The following MYO1E variants were observed in gnomAD, a reference collection of about 807,000 sequenced individuals.
MYO1E encodes myosin IE, also known as unconventional myosin-Ie.
In MYO1E, 68 loss-of-function variants were observed where a neutral mutation model predicts 151.1. The observed-to-expected ratio is 0.45, with a 90% confidence interval of 0.37 to 0.55. The LOEUF is 0.55. Among genes scored for constraint, MYO1E ranks in the 20% least tolerant of loss-of-function variants. The probability of loss-of-function intolerance (pLI) is 0.00; values close to 1 mark genes in which losing one functional copy is unlikely to be tolerated. For missense variants in MYO1E, 1,363 were observed against 1,389.3 expected, an observed-to-expected ratio of 0.98 and a Z score of 0.30; for synonymous variants, 601 against 501.7, an observed-to-expected ratio of 1.20 and a Z score of -2.64.
In MYO1E at chr15:59,214,680, T is replaced by A. The variant is rs772677451; in HGVS notation, c.1148A>T (p.Asn383Ile). The A allele has an allele frequency of 6.2e-7, 1 of 1,613,900 alleles. No homozygotes were observed. The highest frequency in any genetic ancestry group is 1.1e-5 in the South Asian group (1 of 91,078). The change falls in exon 11 of 28, where the codon AAC becomes ATC. Residue 383 changes from asparagine (N) to isoleucine (I), a missense_variant. Transcript: ENST00000288235. ...GCCATAGATGTCTAGGACGCCAATG[T>A]TGTATTCTTCATGGTCTTTCTCCAT... The part of the protein sequence containing the change: ...KAMEKDHEEY[N>I]IGVLDIYGFE...
rs1208585172 is a variant in MYO1E at position 59,136,441 on chromosome 15, A to C, written c.*939T>G. 4 of 202,282 alleles carry C rather than the reference A, an allele frequency of 2.0e-5. No homozygotes were observed. The highest frequency in any genetic ancestry group is 9.1e-5 in the African/African-American group (4 of 43,766). The allele number at this position is 202,282 out of a possible 1,614,324, so 12.5% of individuals were successfully genotyped here. On this transcript the variant is annotated 3_prime_UTR_variant, in exon 28 of 28. Coordinates refer to ENST00000288235, the MANE Select transcript of MYO1E (RefSeq NM_004998.4). ...GTTTCCTATAGGGAAAGAGTTGAGAAGAGTCTGCAGGGACTGACCTAGAAA... is the reference window on the plus strand; with the variant it reads ...GTTTCCTATAGGGAAAGAGTTGAGACGAGTCTGCAGGGACTGACCTAGAAA...
intron 7 of MYO1E, among the ~76,000 whole-genome samples, chr15:59,226,861 G>A (rs2079994839): frequency 6.6e-6 from 1 of 152,170 alleles, no homozygotes; most frequent in South Asian, 2.1e-4. Flanking sequence ...GCTGAAGCCT[G>A]TAACATAATC....
intron 4 of MYO1E, 65 bp downstream of exon 4, chr15:59,256,219 C>A (rs1220032457): frequency 1.5e-6 from 2 of 1,318,748 alleles, no homozygotes; most frequent in South Asian, 1.2e-5. Flanking sequence ...GCTTATCGAC[C>A]GAAATCCATA....
intron 19 of MYO1E, among the ~76,000 whole-genome samples, chr15:59,176,355 C>T (rs761681006): frequency 1.4e-4 from 21 of 151,860 alleles, no homozygotes; most frequent in Non-Finnish European, 2.4e-4. Context: ...CCACTGCGCG[C>T]GGTTATGATG....
intron 4 of MYO1E, among the ~76,000 whole-genome samples, chr15:59,238,744 T>A (rs922256232): frequency 3.3e-5 from 5 of 151,686 alleles, no homozygotes; most frequent in African/African-American, 1.2e-4. Context: ...GCTAATTTTT[T>A]AATTTTTAGT....
Position 59,285,396 on chromosome 15 carries a change from C to T in MYO1E, c.4-12947G>A, listed in dbSNP as rs2080381559. ...TTTTTGAGACGGAGTCTGGCTCTGTCGCCCAGGCTGGAGTGCAGTGGCACA... is the reference window on the plus strand; with the variant it reads ...TTTTTGAGACGGAGTCTGGCTCTGTTGCCCAGGCTGGAGTGCAGTGGCACA... On this transcript the variant is annotated intron_variant, in intron 1 of 27. Transcript: ENST00000288235. 2.5e-5 allele frequency among the ~76,000 whole-genome samples: 3 copies of T among 118,344 alleles called. No homozygotes were observed. In the South Asian group the frequency reaches 8.6e-4, roughly 34 times the overall value. 77.6% of individuals were successfully genotyped at this position (118,344 alleles called of 152,430 possible). A position where few individuals can be genotyped will look rare whatever the true frequency, so the allele number is the denominator to read the frequency against.
intron 5 of MYO1E, among the ~76,000 whole-genome samples, chr15:59,234,024 GA>G (rs1249606745): frequency 5.9e-5 from 9 of 151,896 alleles, no homozygotes; most frequent in Non-Finnish European, 1.2e-4. Flanking sequence ...ATGGCTACTA[GA>G]AAATTTAGAA....
At chr15:59,242,865 C>G (rs138109417) in intron 4 of MYO1E, among the ~76,000 whole-genome samples, 1 of 152,062 alleles carries the variant, frequency 6.6e-6, no homozygotes, top group Non-Finnish European at 1.5e-5. Context: ...AATGGGTAGA[C>G]TCAGCCTGAA....
intron 9 of MYO1E, among the ~76,000 whole-genome samples, chr15:59,220,552 A>AT (rs1289138774): frequency 6.6e-6 from 1 of 151,652 alleles, no homozygotes; most frequent in East Asian, 1.9e-4. Flanking sequence ...ATTTTTTTCC[A>AT]TTTTTTTTCT....
At chr15:59,315,510 A>C (rs2140413548) in intron 1 of MYO1E, among the ~76,000 whole-genome samples, 1 of 152,094 alleles carries the variant, frequency 6.6e-6, no homozygotes, top group African/African-American at 2.4e-5. Flanking sequence ...CTATGTAACA[A>C]ACCTGTACAT....
chr15:59,360,179 G>C (rs1367307217), intron 1 of MYO1E, among the ~76,000 whole-genome samples: 8 of 152,100 alleles, frequency 5.3e-5, no homozygotes, highest in Non-Finnish European at 4.4e-5. Flanking sequence ...AGATCAGGAG[G>C]TCAAGGAATT....
At chr15:59,297,547 T>TG (rs2080457976) in intron 1 of MYO1E, among the ~76,000 whole-genome samples, 1 of 149,294 alleles carries the variant, frequency 6.7e-6, no homozygotes, top group African/African-American at 2.5e-5. Flanking sequence ...CCTCCCAAAG[T>TG]GCTGGGATAA....
intron 8 of MYO1E, 111 bp from the exon 9 acceptor site, chr15:59,223,302 G>C (rs549174863): frequency 3.1e-5 from 37 of 1,191,764 alleles, no homozygotes; most frequent in East Asian, 1.7e-4. Flanking sequence ...GACAAGTACA[G>C]ACGAGTTACA....
chr15:59,217,516 T>A (rs1165788512), intron 10 of MYO1E, among the ~76,000 whole-genome samples: 2 of 116,034 alleles, frequency 1.7e-5, no homozygotes, highest in Non-Finnish European at 3.5e-5. Flanking sequence ...TCAGTCGTTT[T>A]ACCTTTTTTT....
rs752971090 is a variant in MYO1E, at chr15:59,202,295, G to C, written c.1698+31C>G. ...TCCTAGAAAGCGCTAGCCCTTATAA[G>C]AATCTATAAACTTCCTAAAATAGAA... On this transcript the variant is annotated intron_variant, in intron 16 of 27. Coordinates refer to ENST00000288235, the MANE Select transcript of MYO1E (RefSeq NM_004998.4). The C allele has an allele frequency of 9.4e-6, 15 of 1,592,364 alleles. No homozygotes were observed. The African/African-American group carries it at 1.6e-4, about 17-fold the overall frequency.
chr15:59,290,050 G>A (rs1353677204), intron 1 of MYO1E, among the ~76,000 whole-genome samples: 3 of 152,198 alleles, frequency 2.0e-5, no homozygotes, highest in Non-Finnish European at 4.4e-5. Flanking sequence ...TAGGTGCTTT[G>A]CGTACATTGT....
At chr15:59,254,123 A>G (rs1051019475) in intron 4 of MYO1E, among the ~76,000 whole-genome samples, 6 of 152,166 alleles carry the variant, frequency 3.9e-5, no homozygotes, top group Admixed American at 2.0e-4. Flanking sequence ...TTAAGGTGTG[A>G]TAAGAATGAT....
Position 59,290,797 on chromosome 15 carries a change from T to C in MYO1E, c.4-18348A>G, listed in dbSNP as rs186857622. 8.5e-5 allele frequency among the ~76,000 whole-genome samples: 13 copies of C among 152,276 alleles called. No individual in the cohort carries two copies. In the East Asian group the frequency reaches 2.1e-3, roughly 25 times the overall value. Reference sequence around the variant, plus strand: ...TTTCCAAAGTCAAACAGCATGCCACTCTCAACCCTGCAAAGTCAGAGCTGG... The same window carrying C: ...TTTCCAAAGTCAAACAGCATGCCACCCTCAACCCTGCAAAGTCAGAGCTGG... On this transcript the variant is annotated intron_variant, in intron 1 of 27. Transcript: ENST00000288235.
chr15:59,261,949 C>A (rs2080226639), intron 2 of MYO1E, among the ~76,000 whole-genome samples: 1 of 152,006 alleles, frequency 6.6e-6, no homozygotes, highest in African/African-American at 2.4e-5. Context: ...TGCCTGTAAT[C>A]CCAGCACTTT....
Sources: allele counts gnomAD v4.1 joint callset (sites outside exome capture counted in the v4.1 genomes callset), GRCh38; gene constraint gnomAD v4.1.1; transcripts MANE v1.5; gene names NCBI Gene and HGNC (gene_info 2026-07-23, HGNC 2026-07-21).